The following ROBO2 variants were observed in gnomAD, a reference collection of about 807,000 sequenced individuals.
ROBO2 encodes roundabout homolog 2.
Under a neutral mutation model 160.8 loss-of-function variants are expected in ROBO2, and 53 were observed. The observed-to-expected ratio is 0.33, with a 90% CI of 0.26 to 0.41. The LOEUF is 0.41. Among genes scored for constraint, ROBO2 ranks in the 10% least tolerant of loss-of-function variants. The pLI is 1.00. For synonymous variants in ROBO2, 664 were observed against 611.7 expected, an observed-to-expected ratio of 1.09 and a Z score of -1.26; for missense variants, 1,577 against 1,722.4, an observed-to-expected ratio of 0.92 and a Z score of 1.49.
intron 2 of ROBO2, among the ~76,000 whole-genome samples, chr3:77,457,963 T>C (rs1403859802): frequency 6.6e-6 from 1 of 152,194 alleles, no homozygotes; most frequent in Non-Finnish European, 1.5e-5. Context: ...AGAGACTATA[T>C]ATAACTTTAA....
chr3:77,602,436 A>C, exon 20 of ROBO2: 1 of 1,614,114 alleles, frequency 6.2e-7, no homozygotes, highest in Non-Finnish European at 8.5e-7. Context: ...TTCAGCAAAA[A>C]ACAGATCTGA....
intron 2 of ROBO2, among the ~76,000 whole-genome samples, chr3:76,467,086 A>G (rs937171154): frequency 3.3e-5 from 5 of 152,056 alleles, no homozygotes; most frequent in Non-Finnish European, 5.9e-5. Context: ...GAGGAAATAT[A>G]TTTTATATGT....
intron 2 of ROBO2, among the ~76,000 whole-genome samples, chr3:76,489,895 A>G (rs1399368173): frequency 6.6e-6 from 1 of 152,138 alleles, no homozygotes; most frequent in East Asian, 1.9e-4. Context: ...AAGCCTTTCA[A>G]TAAACATTTT....
chr3:77,039,656 C>T (rs896431102), upstream of ROBO2, among the ~76,000 whole-genome samples: 1 of 152,116 alleles, frequency 6.6e-6, no homozygotes, highest in South Asian at 2.1e-4. Flanking sequence ...CGGGGACTCT[C>T]GGCTCTCCAG....
chr3:77,401,814 T>C (rs548580875), intron 2 of ROBO2, among the ~76,000 whole-genome samples: 14 of 152,322 alleles, frequency 9.2e-5, no homozygotes, highest in Non-Finnish European at 1.5e-4. Flanking sequence ...ATGGTATTTA[T>C]GGTTCTAGAT....
chr3:77,388,147 C>T (rs2074331713), intron 2 of ROBO2, among the ~76,000 whole-genome samples: 1 of 150,222 alleles, frequency 6.7e-6, no homozygotes, highest in African/African-American at 2.5e-5. Flanking sequence ...CACATACACA[C>T]ACACACACAC....
chr3:76,713,203 C>T (rs1478439977), intron 2 of ROBO2, among the ~76,000 whole-genome samples: 1 of 152,128 alleles, frequency 6.6e-6, no homozygotes, highest in Non-Finnish European at 1.5e-5. Context: ...ATCTTCCAGG[C>T]AAATTTGACT....
intron 2 of ROBO2, among the ~76,000 whole-genome samples, chr3:76,898,897 A>C (rs1012310387): frequency 6.6e-6 from 1 of 152,192 alleles, no homozygotes; most frequent in African/African-American, 2.4e-5. Context: ...GGTATTTATT[A>C]TATTTGCGTT....
At chr3:76,814,260 A>G (rs1211148906) in intron 2 of ROBO2, among the ~76,000 whole-genome samples, 1 of 152,154 alleles carries the variant, frequency 6.6e-6, no homozygotes, top group East Asian at 1.9e-4. Context: ...TGATGGAGTA[A>G]CTTGTGAGTT....
intron 2 of ROBO2, among the ~76,000 whole-genome samples, chr3:76,292,937 A>C (rs571186290): frequency 6.6e-6 from 1 of 151,802 alleles, no homozygotes; most frequent in South Asian, 2.1e-4. Flanking sequence ...GATATTTCTG[A>C]ATGTCAAATG....
chr3:77,009,644 G>A (rs2061761160), intron 2 of ROBO2, among the ~76,000 whole-genome samples: 1 of 151,964 alleles, frequency 6.6e-6, no homozygotes, highest in South Asian at 2.1e-4. Context: ...TTATATATTT[G>A]TACTGAAAAA....
chr3:76,712,609 A>C (rs543603596), intron 2 of ROBO2, among the ~76,000 whole-genome samples: 329 of 152,148 alleles, frequency 2.2e-3, no homozygotes, highest in South Asian at 0.013. Flanking sequence ...TGGGAGGCAG[A>C]GGTTGCAGTG....
exon 1 of ROBO2, chr3:77,040,203 C>T (rs2149606552): frequency 1.0e-6 from 1 of 986,608 alleles, no homozygotes; most frequent in Non-Finnish European, 1.2e-6. Context: ...AAGGAGAGGC[C>T]CGCCAAGTCT....
chr3:76,209,407 A>G (rs1009590330), intron 2 of ROBO2, among the ~76,000 whole-genome samples: 6 of 152,208 alleles, frequency 3.9e-5, no homozygotes, highest in African/African-American at 1.2e-4. Context: ...TTGAAAATAT[A>G]AGATTCTCTT....
chr3:76,567,634 T>TATATATATATACAC (rs1553805577), intron 2 of ROBO2, among the ~76,000 whole-genome samples: 3 of 84,602 alleles, frequency 3.5e-5, no homozygotes, highest in Non-Finnish European at 7.3e-5. Flanking sequence ...TATATATATA[T>TATATATATATACAC]ATATATATAT....
At chr3:76,221,253 A>T (rs572557634) in intron 2 of ROBO2, among the ~76,000 whole-genome samples, 3 of 152,208 alleles carry the variant, frequency 2.0e-5, no homozygotes, top group South Asian at 4.2e-4. Flanking sequence ...ACTCAGGGTG[A>T]TGGTGAGTAG....
At chr3:76,507,611 T>C (rs2107709512) in intron 2 of ROBO2, among the ~76,000 whole-genome samples, 1 of 152,180 alleles carries the variant, frequency 6.6e-6, no homozygotes, top group South Asian at 2.1e-4. Flanking sequence ...GCACAATACA[T>C]ACCAGACAAT....
At chr3:76,217,849 GAC>G (rs756870098) in intron 2 of ROBO2, among the ~76,000 whole-genome samples, 23 of 152,170 alleles carry the variant, frequency 1.5e-4, no homozygotes, top group Admixed American at 3.3e-4. Context: ...GCCTGACAGA[GAC>G]ACAACAAAAA....
intron 2 of ROBO2, among the ~76,000 whole-genome samples, chr3:76,556,524 T>G (rs1279001090): frequency 6.6e-6 from 1 of 152,184 alleles, no homozygotes; most frequent in Admixed American, 6.5e-5. Flanking sequence ...TTGATACATA[T>G]GCATATTATA....
Sources: allele counts gnomAD v4.1 joint callset (sites outside exome capture counted in the v4.1 genomes callset), GRCh38; gene constraint gnomAD v4.1.1; transcripts MANE v1.5; gene names NCBI Gene and HGNC (gene_info 2026-07-23, HGNC 2026-07-21).